The following RARB variants were observed in gnomAD, a reference collection of about 807,000 sequenced individuals.
RARB encodes HBV-activated protein.
A neutral mutation model predicts 51.9 loss-of-function variants in RARB; 17 were observed. The ratio of observed to expected loss-of-function variants is 0.33; its 90% CI spans 0.22 to 0.49. The LOEUF is 0.49. RARB is among the 20% of genes least tolerant of loss of function. The probability of loss-of-function intolerance (pLI) is 0.99; values close to 1 mark genes in which losing one functional copy is unlikely to be tolerated. For synonymous variants in RARB, 215 were observed against 195.4 expected, an observed-to-expected ratio of 1.10 and a Z score of -0.84; for missense variants, 369 against 550.8, an observed-to-expected ratio of 0.67 and a Z score of 3.30.
At chr3:25,397,224 T>C (rs1018784467) in intron 5 of RARB, among the ~76,000 whole-genome samples, 1 of 152,212 alleles carries the variant, frequency 6.6e-6, no homozygotes, top group Non-Finnish European at 1.5e-5. Context: ...GGGCTCTTCC[T>C]GCTGCTTCTA....
chr3:25,263,913 A>G (rs1703064273), intron 5 of RARB, among the ~76,000 whole-genome samples: 1 of 152,162 alleles, frequency 6.6e-6, no homozygotes, highest in South Asian at 2.1e-4. Context: ...CCTTTAAGGC[A>G]TTTTGTACTG....
At chr3:25,338,609 A>G (rs1039476948) in intron 5 of RARB, among the ~76,000 whole-genome samples, 1 of 152,038 alleles carries the variant, frequency 6.6e-6, no homozygotes, top group African/African-American at 2.4e-5. Context: ...GAAGTTCAAA[A>G]GAAAAGATTC....
intron 5 of RARB, among the ~76,000 whole-genome samples, chr3:25,268,215 C>T (rs4234353): frequency 0.77 from 117,536 of 152,098 alleles, 45,851 homozygotes; most frequent in East Asian, 0.85. Context: ...GTGACTACCA[C>T]TGATACTTTT....
At chr3:25,048,923 T>C (rs1319371673) in intron 2 of RARB, among the ~76,000 whole-genome samples, 2 of 151,992 alleles carry the variant, frequency 1.3e-5, no homozygotes, top group Non-Finnish European at 2.9e-5. Flanking sequence ...CGGCTAACTT[T>C]TTGTATTTTT....
At chr3:25,198,907 A>T (rs1346031459) in intron 5 of RARB, among the ~76,000 whole-genome samples, 1 of 152,128 alleles carries the variant, frequency 6.6e-6, no homozygotes, top group African/African-American at 2.4e-5. Context: ...AAAACTAGAA[A>T]TACCATATGA....
intron 2 of RARB, among the ~76,000 whole-genome samples, chr3:24,901,222 C>T (rs193063013): frequency 2.6e-5 from 4 of 152,270 alleles, no homozygotes; most frequent in African/African-American, 9.6e-5. Context: ...TCCTGGGAAA[C>T]TGGGAACTGC....
Position 24,870,267 on chromosome 3 carries a change from C to T in RARB, c.-380+11515C>T, listed in dbSNP as rs934988205. 2.6e-5 allele frequency among the ~76,000 whole-genome samples: 4 copies of T among 151,890 alleles called. No individual in the cohort carries two copies. In the East Asian group the frequency reaches 7.7e-4, roughly 29 times the overall value. On this transcript the variant is annotated intron_variant, in intron 2 of 11. Transcript: ENST00000383772. The stretch of plus-strand genomic sequence containing the variant: ...CTCTTAAAAATAGAAATATTGTTTT[C>T]CTATGAACATCTTTAAATCTTGTCT...
chr3:25,213,109 A>C (rs1363184444), intron 5 of RARB, among the ~76,000 whole-genome samples: 1 of 152,112 alleles, frequency 6.6e-6, no homozygotes, highest in Non-Finnish European at 1.5e-5. Flanking sequence ...CATCCATATA[A>C]GATACTATAT....
intron 4 of RARB, among the ~76,000 whole-genome samples, chr3:25,145,000 T>C (rs1700165186): frequency 6.6e-6 from 1 of 152,164 alleles, no homozygotes; most frequent in Non-Finnish European, 1.5e-5. Flanking sequence ...GACACAGACC[T>C]GTTCTGGCTT....
intron 4 of RARB, among the ~76,000 whole-genome samples, chr3:25,139,478 C>A (rs1253947626): frequency 1.1e-4 from 17 of 152,116 alleles, no homozygotes; most frequent in Non-Finnish European, 2.5e-4. Context: ...ACACCTAATC[C>A]AGAGCAAAGT....
At chr3:25,379,113 A>G (rs186849065) in intron 5 of RARB, among the ~76,000 whole-genome samples, 5 of 152,278 alleles carry the variant, frequency 3.3e-5, no homozygotes, top group African/African-American at 1.2e-4. Context: ...TTACTTTACT[A>G]CCACTTAATG....
chr3:25,265,094 A>C (rs1273809936), intron 5 of RARB, among the ~76,000 whole-genome samples: 2 of 152,134 alleles, frequency 1.3e-5, no homozygotes, highest in African/African-American at 4.8e-5. Flanking sequence ...ACTGCCCAGA[A>C]AACTGTGAGA....
intron 5 of RARB, among the ~76,000 whole-genome samples, chr3:25,286,071 C>T (rs1703643829): frequency 7.0e-6 from 1 of 142,710 alleles, no homozygotes; most frequent in South Asian, 2.3e-4. Context: ...AATTGCTAGT[C>T]TTGATCTTTC....
intron 3 of RARB, among the ~76,000 whole-genome samples, chr3:25,129,991 T>G (rs1335226866): frequency 6.6e-6 from 1 of 152,130 alleles, no homozygotes; most frequent in East Asian, 1.9e-4. Flanking sequence ...TCTTTGGATT[T>G]GAAAACTCAG....
At chr3:24,846,444 C>A (rs932808733) in intron 1 of RARB, among the ~76,000 whole-genome samples, 4 of 152,142 alleles carry the variant, frequency 2.6e-5, no homozygotes, top group Non-Finnish European at 4.4e-5. Flanking sequence ...GATATGTGGC[C>A]TTATGTTATT....
intron 2 of RARB, among the ~76,000 whole-genome samples, chr3:24,897,751 GC>G (rs1208115455): frequency 5.5e-5 from 4 of 72,908 alleles, no homozygotes; most frequent in African/African-American, 1.9e-4. Context: ...ATGCTCTGAG[GC>G]TTTTTTTTTT....
chr3:24,980,520 C>T lies in RARB; in HGVS notation c.-379-79605C>T, dbSNP rs575721564. 1.4e-4 allele frequency among the ~76,000 whole-genome samples: 21 copies of T among 152,186 alleles called. No individual in the cohort carries two copies. The East Asian group carries it at 1.7e-3, about 13-fold the overall frequency. On this transcript the variant is annotated intron_variant, in intron 2 of 11. Transcript: ENST00000383772. ...CACTTTATTTAATTTGATCTTCAGT[C>T]GATCAAATTCGATCCTTTCTTCCAC... is the stretch of plus-strand genomic sequence containing the variant.
chr3:25,302,690 G>T (rs892085485), intron 5 of RARB, among the ~76,000 whole-genome samples: 1 of 152,178 alleles, frequency 6.6e-6, no homozygotes, highest in African/African-American at 2.4e-5. Flanking sequence ...GGTGATATTT[G>T]CCCACCTTTG....
intron 2 of RARB, among the ~76,000 whole-genome samples, chr3:25,466,570 A>T (rs949418264): frequency 6.6e-6 from 1 of 152,120 alleles, no homozygotes; most frequent in Admixed American, 6.5e-5. Flanking sequence ...TAATCTTAGT[A>T]CTGTTCTTGT....
Sources: gnomAD v4.1 joint callset for allele counts (sites outside exome capture counted in the v4.1 genomes callset) on GRCh38, gnomAD v4.1.1 for gene constraint, MANE v1.5 for transcripts, NCBI Gene and HGNC (gene_info 2026-07-23, HGNC 2026-07-21) for gene names.